Variants in PIP5K1C observed in about 807,000 individuals in gnomAD.
The protein encoded by PIP5K1C is phosphatidylinositol-4-phosphate 5-kinase type 1 gamma, also known as phosphatidylinositol 4-phosphate 5-kinase type-1 gamma.
In PIP5K1C, 45 loss-of-function variants were observed where a neutral mutation model predicts 80.1. The observed-to-expected ratio is 0.56, with a 90% CI of 0.44 to 0.72. The LOEUF (loss-of-function observed/expected upper bound fraction) is 0.72, where lower values mean the gene tolerates loss of function less well. Among genes scored for constraint, PIP5K1C ranks in the 30% least tolerant of loss-of-function variants. The pLI is 0.00. For missense variants in PIP5K1C, 753 were observed against 954.6 expected (o/e 0.79, Z 2.78); for synonymous variants, 498 against 420.1 (o/e 1.19, Z -2.27).
chr19:3,659,257 G>A lies in PIP5K1C; in HGVS notation c.468+1709C>T, dbSNP rs1025713559. 5.3e-5 allele frequency among the ~76,000 whole-genome samples: 8 copies of A among 152,246 alleles called. No individual in the cohort carries two copies. The South Asian group carries it at 1.0e-3, about 20-fold the overall frequency. On this transcript the variant is annotated intron_variant, in intron 5 of 17. Transcript: ENST00000335312. ...CACTCACACCACAGCCTGGACAGAGGCTAGGGGGCTGCCGCCTGCTCAGCA... is the reference window on the plus strand; with the variant it reads ...CACTCACACCACAGCCTGGACAGAGACTAGGGGGCTGCCGCCTGCTCAGCA...
intron 14 of PIP5K1C, 134 bp downstream of exon 14, chr19:3,642,773 G>C: frequency 1.3e-6 from 1 of 773,510 alleles, no homozygotes; most frequent in Non-Finnish European, 2.3e-6. Context: ...TGCTAGGGCC[G>C]AGTGCTACAA....
intron 2 of PIP5K1C, among the ~76,000 whole-genome samples, chr19:3,667,083 G>T (rs1341332566): frequency 6.8e-6 from 1 of 146,988 alleles, no homozygotes; most frequent in South Asian, 2.1e-4. Flanking sequence ...AGGCACCCCT[G>T]CCACTGAGGG....
chr19:3,637,689 T>C lies in PIP5K1C; in HGVS notation c.1920+1195A>G. On this transcript the variant is annotated intron_variant, in intron 16 of 17. Coordinates refer to ENST00000335312, the MANE Select transcript of PIP5K1C (RefSeq NM_012398.3). This position sits in a 1 kb window ranked among gnomAD's most constrained non-coding sequence, Gnocchi z 7.0. ...GCGGATGAGGCGGCCACCCCCGTGG[T>C]CGGGTGGGAGAGGCGGAGGGAGGTG... The C allele has an allele frequency of 3.3e-6, 5 of 1,502,246 alleles. No homozygotes were observed. In the South Asian group the frequency reaches 5.1e-5, roughly 15 times the overall value. 93.1% of individuals were successfully genotyped at this position (1,502,246 alleles called of 1,614,324 possible).
Position 3,644,101 on chromosome 19 carries a change from G to A in PIP5K1C, c.1496C>T (p.Thr499Met), listed in dbSNP as rs894650136. 1.1e-5 allele frequency: 18 copies of A among 1,611,192 alleles called. No homozygotes were observed. The highest frequency in any genetic ancestry group is 1.7e-5 in the Admixed American group (1 of 59,996). The change falls in exon 12 of 18, where the codon ACG becomes ATG. Residue 499 changes from threonine to methionine, a missense_variant. By Grantham distance (81) the Thr-to-Met change is moderately conservative. Around this residue, in one of 6 missense-constraint regions of PIP5K1C, gnomAD observed 315 missense variants for 294.5 expected, o/e 1.07. Transcript: ENST00000335312. ...CTGCCCCTCACCTTCGTCCTCCAGC[G>A]TGGGGTAGCTGCGGGCCCCCCGCAG... The part of the protein sequence containing the change: ...YDLRGARSYP[T>M]LEDEGRPDLL...
At chr19:3,689,800 T>C (rs28575557) in intron 1 of PIP5K1C, among the ~76,000 whole-genome samples, 27,862 of 151,766 alleles carry the variant, frequency 0.18, 2,789 homozygotes, top group African/African-American at 0.25. Flanking sequence ...CTAACTCACA[T>C]GCACTCTCAC....
chr19:3,647,203 AGGAGGAGGGATG>A (rs1360366916), intron 10 of PIP5K1C, 123 bp downstream of exon 10: 57 of 645,306 alleles, frequency 8.8e-5, no homozygotes, highest in Non-Finnish European at 1.0e-4. Context: ...CACTCACAGG[AGGAGGAGGGATG>A]GGAGGAGGGA....
At position 3,637,067 on chromosome 19, in the gene PIP5K1C, C is replaced by G. The variant is rs2033717060; in HGVS notation, c.1920+1817G>C. 1.7e-6 allele frequency: 2 copies of G among 1,200,162 alleles called. No homozygotes were observed. Among genetic ancestry groups the G allele is most frequent in the Non-Finnish European group, 2.1e-6 (2 of 961,472 alleles). The allele number at this position is 1,200,162 out of a possible 1,614,324, so 74.3% of individuals were successfully genotyped here. A position where few individuals can be genotyped will look rare whatever the true frequency, so the allele number is the denominator to read the frequency against. On this transcript the variant is annotated intron_variant, in intron 16 of 17. Coordinates refer to ENST00000335312, the MANE Select transcript of PIP5K1C (RefSeq NM_012398.3). This position sits in a 1 kb window ranked among gnomAD's most constrained non-coding sequence, Gnocchi z 7.0. ...TGTGGAGAGACCATCTCCTCCCCGTCTCCATGGCCCTGCGGTTCAGAGCCC... is the reference window on the plus strand; with the variant it reads ...TGTGGAGAGACCATCTCCTCCCCGTGTCCATGGCCCTGCGGTTCAGAGCCC...
chr19:3,647,202 G>A (rs1599950551), intron 10 of PIP5K1C, 136 bp downstream of exon 10: 3 of 704,162 alleles, frequency 4.3e-6, no homozygotes, highest in Admixed American at 2.2e-5. Flanking sequence ...GCACTCACAG[G>A]AGGAGGAGGG....
chr19:3,646,072 G>A lies in PIP5K1C; in HGVS notation c.1261-14C>T. On this transcript the variant is annotated splice_polypyrimidine_tract_variant and intron_variant, in intron 10 of 17. Transcript: ENST00000335312. ...GGACACCGTGTCCTGGAAGAGAGTT[G>A]GGGGGGGTGCCCGGGGGCAGAGGGT... 1 of 1,511,800 alleles carries A rather than the reference G, an allele frequency of 6.6e-7. No homozygotes were observed. Among genetic ancestry groups the A allele is most frequent in the Non-Finnish European group, 9.1e-7 (1 of 1,094,164 alleles). The allele number at this position is 1,511,800 out of a possible 1,614,324, so 93.6% of individuals were successfully genotyped here.
At chr19:3,675,923 C>A (rs1334181259) in intron 1 of PIP5K1C, among the ~76,000 whole-genome samples, 1 of 152,206 alleles carries the variant, frequency 6.6e-6, no homozygotes, top group African/African-American at 2.4e-5. Context: ...CCAGGTGATG[C>A]CCCGCTTCAG....
In PIP5K1C at chr19:3,646,024, G is replaced by A; in HGVS notation, c.1295C>T (p.Ala432Val). ...TVSVHRPSFY[A>V]ERFFKFMSNT... ...GCTCATGAACTTGAAAAAGCGCTCG[G>A]CATAGAAGCTGGGGCGGTGGACGGA... The change falls in exon 11 of 18, where the codon GCC (alanine) becomes GTC (valine). Residue 432 changes from alanine (A) to valine (V), a missense_variant. Physicochemically the swap from Ala to Val is moderately conservative, Grantham distance 64 (BLOSUM62 0). Coordinates refer to ENST00000335312, the MANE Select transcript of PIP5K1C (RefSeq NM_012398.3). The A allele has an allele frequency of 6.2e-6, 10 of 1,613,238 alleles. No individual in the cohort carries two copies. The highest frequency in any genetic ancestry group is 8.5e-6 in the Non-Finnish European group (10 of 1,179,876).
chr19:3,680,379 A>G (rs1167223924), intron 1 of PIP5K1C, among the ~76,000 whole-genome samples: 5 of 152,116 alleles, frequency 3.3e-5, no homozygotes, highest in Non-Finnish European at 7.4e-5. Flanking sequence ...ATCCTGACTC[A>G]CTGCAACCTC....
At chr19:3,643,969 A>G in intron 12 of PIP5K1C, 118 bp downstream of exon 12, 5 of 1,236,322 alleles carry the variant, frequency 4.0e-6, no homozygotes, top group Non-Finnish European at 5.7e-6. Context: ...GCGGCCCTGC[A>G]GATCCGGAGG....
intron 1 of PIP5K1C, among the ~76,000 whole-genome samples, chr19:3,676,977 C>G (rs1007893646): frequency 2.6e-5 from 4 of 151,958 alleles, no homozygotes; most frequent in Non-Finnish European, 2.9e-5. Context: ...TGGTGCACAC[C>G]TGTATTTCTA....
chr19:3,694,966 A>G (rs1313945431), intron 1 of PIP5K1C, among the ~76,000 whole-genome samples: 1 of 152,242 alleles, frequency 6.6e-6, no homozygotes, highest in East Asian at 1.9e-4. Flanking sequence ...ATGGCCACTC[A>G]GCTCCCAGCT....
rs1370216974 is a variant in PIP5K1C at position 3,689,574 on chromosome 19, G to A, written c.94+10723C>T. ...TGAGGCAGCAGAATTGCTTGAAACCGGAAGACAGAGGTTTCGGTGAGCTGA... is the reference window on the plus strand; with the variant it reads ...TGAGGCAGCAGAATTGCTTGAAACCAGAAGACAGAGGTTTCGGTGAGCTGA... On this transcript the variant is annotated intron_variant, in intron 1 of 17. Transcript: ENST00000335312. Among the ~76,000 whole-genome samples the A allele has an allele frequency of 9.2e-5, 14 of 152,120 alleles. No homozygotes were observed. The South Asian group carries it at 2.7e-3, about 29-fold the overall frequency.
intron 1 of PIP5K1C, among the ~76,000 whole-genome samples, chr19:3,687,631 A>C (rs2145597064): frequency 2.0e-5 from 3 of 151,192 alleles, no homozygotes; most frequent in South Asian, 4.2e-4. Context: ...AGGCCCTCAG[A>C]GGACACCACA....
At position 3,700,425 on chromosome 19, in the gene PIP5K1C, G is replaced by C. The variant is rs986273044; in HGVS notation, c.-35C>G. On this transcript the variant is annotated 5_prime_UTR_variant, in exon 1 of 18. Coordinates refer to ENST00000335312, the MANE Select transcript of PIP5K1C (RefSeq NM_012398.3). Reference sequence around the variant, plus strand: ...CGGACGGCGGCGGGGGCGCCCGAGGGGGACCCGAGCTGCGACCGCCGCCGC... The same window carrying C: ...CGGACGGCGGCGGGGGCGCCCGAGGCGGACCCGAGCTGCGACCGCCGCCGC... 5.7e-6 allele frequency: 6 copies of C among 1,050,964 alleles called. No homozygotes were observed. The highest frequency in any genetic ancestry group is 6.9e-6 in the Non-Finnish European group (6 of 870,588). The allele number at this position is 1,050,964 out of a possible 1,614,324, so 65.1% of individuals were successfully genotyped here.
rs374926523 is a variant in PIP5K1C, at chr19:3,656,364, T to C, written c.621+41A>G. ...GCTCCCGCCAGCCGGGAGAAGGGGG[T>C]TGACCGAGGAGCCATCTGCCCCGCA... is the stretch of plus-strand genomic sequence containing the variant. On this transcript the variant is annotated intron_variant, in intron 6 of 17. Transcript: ENST00000335312. The C allele has an allele frequency of 5.9e-5, 95 of 1,610,338 alleles. No homozygotes were observed. The African/African-American group carries it at 7.6e-4, about 13-fold the overall frequency.
Sources: gnomAD v4.1 joint callset for allele counts (sites outside exome capture counted in the v4.1 genomes callset) on GRCh38, gnomAD v4.1.1 for gene constraint, gnomAD v4.1.1 regional missense constraint, Gnocchi (gnomAD v3.1) non-coding constraint, MANE v1.5 for transcripts, NCBI Gene and HGNC (gene_info 2026-07-23, HGNC 2026-07-21) for gene names.